Variants in ANGPT2 observed in about 807,000 individuals in gnomAD.
The protein encoded by ANGPT2 is angiopoietin-2.
In ANGPT2, 28 loss-of-function variants were observed where a neutral mutation model predicts 62.9. The ratio of observed to expected loss-of-function variants is 0.44; its 90% confidence interval spans 0.33 to 0.61. ANGPT2 has a LOEUF of 0.61. Among genes scored for constraint, ANGPT2 ranks in the 20% least tolerant of loss-of-function variants. ANGPT2 has a pLI of 0.03. For missense variants in ANGPT2, 727 were observed against 594.9 expected (o/e 1.22, Z -2.31); for synonymous variants, 284 against 207.8 (o/e 1.37, Z -3.15).
intron 5 of ANGPT2, among the ~76,000 whole-genome samples, chr8:6,515,571 G>A (rs1292042239): frequency 6.6e-6 from 1 of 152,180 alleles, no homozygotes; most frequent in Admixed American, 6.5e-5. Flanking sequence ...CTAAGCGCAT[G>A]CATGCTCAAT....
intron 8 of ANGPT2, among the ~76,000 whole-genome samples, chr8:6,505,228 T>G (rs1813093409): frequency 2.2e-5 from 1 of 44,486 alleles, no homozygotes; most frequent in African/African-American, 1.4e-4. Flanking sequence ...TATATTCTTA[T>G]GTATATATAG....
At chr8:6,540,654 C>A (rs376963908) in intron 1 of ANGPT2, among the ~76,000 whole-genome samples, 1 of 152,248 alleles carries the variant, frequency 6.6e-6, no homozygotes, top group South Asian at 2.1e-4. Flanking sequence ...CTTACAATGA[C>A]AAAATGCTTC....
chr8:6,522,199 CA>C lies in ANGPT2; in HGVS notation c.567-790del, dbSNP rs1292610737. Among the ~76,000 whole-genome samples, 45 of 151,988 alleles carry C rather than the reference CA, an allele frequency of 3.0e-4. No homozygotes were observed. In the East Asian group the frequency reaches 8.6e-3, roughly 29 times the overall value. On this transcript the variant is annotated intron_variant, in intron 3 of 8. Coordinates refer to ENST00000629816, the MANE Select transcript of ANGPT2 (RefSeq NM_001118887.2). ...TGAAACCCCGTCTCCACTAAAAATA[CA>C]AAAAATTCTCCAGGCGTGGTGGCGG...
intron 8 of ANGPT2, 86 bp downstream of exon 8, chr8:6,508,846 A>C (rs897770398): frequency 3.2e-6 from 5 of 1,552,336 alleles, no homozygotes; most frequent in Non-Finnish European, 4.4e-6. Context: ...GTTACAAATC[A>C]CAATTTGTAG....
chr8:6,519,755 G>T, intron 5 of ANGPT2, 109 bp downstream of exon 5: 1 of 1,417,096 alleles, frequency 7.1e-7, no homozygotes, highest in Non-Finnish European at 9.7e-7. Context: ...TTTGTACTGT[G>T]TGAGGCTGGG....
At chr8:6,544,704 G>T (rs187669414) in intron 1 of ANGPT2, among the ~76,000 whole-genome samples, 85 of 152,198 alleles carry the variant, frequency 5.6e-4, no homozygotes, top group African/African-American at 1.8e-3. Flanking sequence ...ACAGAAAATG[G>T]CACTCTAAGA....
intron 1 of ANGPT2, among the ~76,000 whole-genome samples, chr8:6,547,673 A>C (rs1329561032): frequency 6.6e-6 from 1 of 152,058 alleles, no homozygotes; most frequent in Non-Finnish European, 1.5e-5. Context: ...TGTGTGACAC[A>C]CAGCACAGCA....
intron 1 of ANGPT2, among the ~76,000 whole-genome samples, chr8:6,556,627 T>C (rs1033240807): frequency 3.9e-5 from 6 of 152,188 alleles, no homozygotes; most frequent in African/African-American, 1.4e-4. Context: ...TTATTTTTTT[T>C]TCATTTTTTA....
At chr8:6,511,685 A>C (rs1424431048) in intron 7 of ANGPT2, among the ~76,000 whole-genome samples, 3 of 152,160 alleles carry the variant, frequency 2.0e-5, no homozygotes, top group Non-Finnish European at 4.4e-5. Context: ...TTTCGATGTA[A>C]TATCTATTTT....
At chr8:6,530,728 C>G (rs546801891) in intron 2 of ANGPT2, among the ~76,000 whole-genome samples, 154 of 152,198 alleles carry the variant, frequency 1.0e-3, no homozygotes, top group African/African-American at 3.6e-3. Context: ...ACCTGGTAGT[C>G]AAGTAATTTG....
intron 1 of ANGPT2, among the ~76,000 whole-genome samples, chr8:6,542,860 A>G (rs1821862417): frequency 6.6e-6 from 1 of 151,990 alleles, no homozygotes; most frequent in East Asian, 1.9e-4. Flanking sequence ...AATGGCTAGA[A>G]AAGGGAAAAG....
chr8:6,519,738 C>G (rs1034493660), intron 5 of ANGPT2, 126 bp downstream of exon 5: 73 of 1,200,818 alleles, frequency 6.1e-5, no homozygotes, highest in Non-Finnish European at 7.6e-5. Context: ...TGCCCAGTAA[C>G]TATGGCTTTG....
intron 5 of ANGPT2, among the ~76,000 whole-genome samples, chr8:6,517,622 G>T (rs946053358): frequency 6.6e-6 from 1 of 152,222 alleles, no homozygotes; most frequent in African/African-American, 2.4e-5. Flanking sequence ...AGTCTTTGAA[G>T]GCAGTGAAAA....
chr8:6,530,889 T>C (rs933067776), intron 2 of ANGPT2, among the ~76,000 whole-genome samples: 6 of 152,240 alleles, frequency 3.9e-5, no homozygotes, highest in African/African-American at 1.4e-4. Context: ...GCTTATGGCA[T>C]CTCCCCTCTC....
rs79054035 is a variant in ANGPT2, at chr8:6,547,081, G to A, written c.289-14594C>T. On this transcript the variant is annotated intron_variant, in intron 1 of 8. Coordinates refer to ENST00000629816, the MANE Select transcript of ANGPT2 (RefSeq NM_001118887.2). ...ACCGTGGTTGCCTTCGGGCTAATGC[G>A]TTTTTGGAAGTGTAGATAGGTGCCA... 2.8e-3 allele frequency among the ~76,000 whole-genome samples: 428 copies of A among 152,090 alleles called. 4 individuals carry two copies. The East Asian group carries it at 0.042, about 15-fold the overall frequency.
At chr8:6,504,465 C>A (rs1812870187) in intron 8 of ANGPT2, among the ~76,000 whole-genome samples, 1 of 152,152 alleles carries the variant, frequency 6.6e-6, no homozygotes, top group Non-Finnish European at 1.5e-5. Context: ...TACATCCGGT[C>A]TCCTGATCAC....
intron 3 of ANGPT2, among the ~76,000 whole-genome samples, chr8:6,525,839 C>G (rs1161275803): frequency 1.3e-5 from 2 of 152,068 alleles, no homozygotes; most frequent in Non-Finnish European, 2.9e-5. Context: ...CTTATTCTTC[C>G]TACAGGCATA....
At chr8:6,553,897 T>C (rs947014785) in intron 1 of ANGPT2, among the ~76,000 whole-genome samples, 1 of 152,122 alleles carries the variant, frequency 6.6e-6, no homozygotes, top group Non-Finnish European at 1.5e-5. Flanking sequence ...TTTTCGCCTT[T>C]TGCTGTTGAA....
chr8:6,561,542 T>C (rs1040477976), intron 1 of ANGPT2, among the ~76,000 whole-genome samples: 4 of 152,194 alleles, frequency 2.6e-5, no homozygotes, highest in Non-Finnish European at 4.4e-5. Flanking sequence ...GAGAAAATAA[T>C]TGTGCTTTTT....
Sources: gnomAD v4.1 joint callset for allele counts (sites outside exome capture counted in the v4.1 genomes callset) on GRCh38, gnomAD v4.1.1 for gene constraint, MANE v1.5 for transcripts, NCBI Gene and HGNC (gene_info 2026-07-23, HGNC 2026-07-21) for gene names.